XKR4: variants seen among roughly 807,000 people sequenced by gnomAD.
XKR4 encodes XK related 4.
A neutral mutation model predicts 53.9 loss-of-function variants in XKR4; 12 were observed. That is an observed-to-expected ratio of 0.22 (90% CI 0.14 to 0.36). XKR4 has a LOEUF of 0.36. XKR4 is among the 10% of genes least tolerant of loss of function. The probability of loss-of-function intolerance (pLI) is 1.00; values close to 1 mark genes in which losing one functional copy is unlikely to be tolerated. For synonymous variants in XKR4, 354 were observed against 362.4 expected (o/e 0.98, Z 0.26); for missense variants, 799 against 859.5 (o/e 0.93, Z 0.88).
chr8:55,465,388 G>C (rs1454297774), intron 2 of XKR4, among the ~76,000 whole-genome samples: 1 of 152,010 alleles, frequency 6.6e-6, no homozygotes, highest in Non-Finnish European at 1.5e-5. Context: ...AATGGGGAAA[G>C]GATTCCCTAT....
chr8:55,495,704 G>A (rs1806335622), intron 2 of XKR4, among the ~76,000 whole-genome samples: 1 of 152,244 alleles, frequency 6.6e-6, no homozygotes, highest in Non-Finnish European at 1.5e-5. Context: ...GGGCAAGGGA[G>A]TGGGTCCCAC....
At chr8:55,173,668 G>A (rs1404019082) in intron 1 of XKR4, among the ~76,000 whole-genome samples, 1 of 152,118 alleles carries the variant, frequency 6.6e-6, no homozygotes, top group African/African-American at 2.4e-5. Flanking sequence ...ACTCACATAG[G>A]TCAATTACAA....
chr8:55,287,125 A>G (rs113483045), intron 1 of XKR4, among the ~76,000 whole-genome samples: 12 of 56,670 alleles, frequency 2.1e-4, no homozygotes, highest in African/African-American at 7.6e-4. Flanking sequence ...TCAAATAATT[A>G]TTGGGTGGGG....
chr8:55,238,413 G>A (rs1287690544), intron 1 of XKR4, among the ~76,000 whole-genome samples: 2 of 152,154 alleles, frequency 1.3e-5, no homozygotes, highest in Non-Finnish European at 2.9e-5. Flanking sequence ...AGGAGGAAAA[G>A]GAAGGTTGGT....
chr8:55,215,458 T>C (rs910325500), intron 1 of XKR4, among the ~76,000 whole-genome samples: 17 of 152,190 alleles, frequency 1.1e-4, no homozygotes, highest in Non-Finnish European at 1.6e-4. Flanking sequence ...TTCAGACCAA[T>C]TGCACTCATG....
chr8:55,105,582 A>G (rs77327076), intron 1 of XKR4, among the ~76,000 whole-genome samples: 3,092 of 152,276 alleles, frequency 0.02, 90 homozygotes, highest in African/African-American at 0.069. Flanking sequence ...ATTATCAGAT[A>G]TAATATTCTG....
chr8:55,301,561 G>T (rs1284458727), intron 1 of XKR4, among the ~76,000 whole-genome samples: 1 of 152,134 alleles, frequency 6.6e-6, no homozygotes, highest in Non-Finnish European at 1.5e-5. Context: ...GATCCCTGAG[G>T]AATCGCCACA....
Position 55,527,697 on chromosome 8 carries a change from A to G in XKR4, c.*3470A>G, listed in dbSNP as rs1806897179. ...CTTTGCAGACACTTAGTTACTACTC[A>G]TTTGTGATAAACGCTGTTAACCCAA... On this transcript the variant is annotated 3_prime_UTR_variant, in exon 3 of 3. Coordinates refer to ENST00000327381, the MANE Select transcript of XKR4 (RefSeq NM_052898.2). 1 of 152,208 alleles carries G rather than the reference A, an allele frequency of 6.6e-6. No individual in the cohort carries two copies. The highest frequency in any genetic ancestry group is 1.5e-5 in the Non-Finnish European group (1 of 68,030). The allele number at this position is 152,208 out of a possible 1,614,324, so 9.4% of individuals were successfully genotyped here. A position where few individuals can be genotyped will look rare whatever the true frequency, so the allele number is the denominator to read the frequency against.
At chr8:55,392,940 G>A (rs927903607) in intron 2 of XKR4, among the ~76,000 whole-genome samples, 7 of 152,108 alleles carry the variant, frequency 4.6e-5, no homozygotes, top group African/African-American at 1.4e-4. Flanking sequence ...CATTTATCTT[G>A]CCTTTCCTGT....
chr8:55,319,910 G>A (rs183661482), intron 1 of XKR4, among the ~76,000 whole-genome samples: 2 of 152,282 alleles, frequency 1.3e-5, no homozygotes, highest in Non-Finnish European at 2.9e-5. Flanking sequence ...TTTTAGCAAA[G>A]AGTGTGGTCA....
intron 1 of XKR4, among the ~76,000 whole-genome samples, chr8:55,151,384 G>A (rs1816837747): frequency 1.3e-5 from 2 of 152,170 alleles, no homozygotes; most frequent in African/African-American, 4.8e-5. Context: ...TTCATCTGAA[G>A]CATAAGACAT....
At chr8:55,119,853 T>C (rs182502327) in intron 1 of XKR4, among the ~76,000 whole-genome samples, 169 of 152,298 alleles carry the variant, frequency 1.1e-3, no homozygotes, top group African/African-American at 3.7e-3. Context: ...ATTCTGGTAG[T>C]GCTGGTTAAG....
rs968398953 is a variant in XKR4 at position 55,452,089 on chromosome 8, T to A, written c.1007-71192T>A. 11 of 699,332 alleles carry A rather than the reference T, an allele frequency of 1.6e-5. No individual in the cohort carries two copies. In the African/African-American group the frequency reaches 1.6e-4, roughly 10 times the overall value. 43.3% of individuals were successfully genotyped at this position (699,332 alleles called of 1,614,324 possible). A position where few individuals can be genotyped will look rare whatever the true frequency, so the allele number is the denominator to read the frequency against. On this transcript the variant is annotated intron_variant, in intron 2 of 2. Coordinates refer to ENST00000327381, the MANE Select transcript of XKR4 (RefSeq NM_052898.2). ...GTGACTCGGGGTGGCTGGCCGGGTG[T>A]GTAGGTAGAGCCCAGGGTGAAGGAG...
intron 1 of XKR4, among the ~76,000 whole-genome samples, chr8:55,229,121 A>G (rs967077231): frequency 2.6e-5 from 4 of 152,194 alleles, no homozygotes; most frequent in African/African-American, 9.7e-5. Flanking sequence ...AACCCAGCCT[A>G]CCTGCTCTAG....
At chr8:55,418,180 G>T (rs1278788161) in intron 2 of XKR4, among the ~76,000 whole-genome samples, 1 of 152,130 alleles carries the variant, frequency 6.6e-6, no homozygotes, top group Non-Finnish European at 1.5e-5. Context: ...TCTACACCTC[G>T]AGTGGCCATT....
chr8:55,505,677 T>C (rs1563368777), intron 2 of XKR4, among the ~76,000 whole-genome samples: 1 of 152,274 alleles, frequency 6.6e-6, no homozygotes, highest in Non-Finnish European at 1.5e-5. Context: ...TCCGAAAAGA[T>C]ACTTTCTATA....
At chr8:55,172,169 G>A (rs1335275354) in intron 1 of XKR4, among the ~76,000 whole-genome samples, 1 of 150,280 alleles carries the variant, frequency 6.7e-6, no homozygotes, top group East Asian at 2.0e-4. Flanking sequence ...AGTGAGCCAA[G>A]ATCATGCCAC....
chr8:55,136,315 ACTTC>A (rs1040672351), intron 1 of XKR4, among the ~76,000 whole-genome samples: 1 of 79,616 alleles, frequency 1.3e-5, no homozygotes, highest in Non-Finnish European at 3.7e-5. Context: ...CAGCAGATGC[ACTTC>A]CTTCACAGAG....
At chr8:55,523,231 C>A in intron 2 of XKR4, 50 bp from the exon 3 acceptor site, 1 of 1,488,646 alleles carries the variant, frequency 6.7e-7, no homozygotes, top group Non-Finnish European at 9.0e-7. Context: ...TTCCAGGGGG[C>A]ATTGCTGCAA....
Sources: allele counts gnomAD v4.1 joint callset (sites outside exome capture counted in the v4.1 genomes callset), GRCh38; gene constraint gnomAD v4.1.1; transcripts MANE v1.5; gene names NCBI Gene and HGNC (gene_info 2026-07-23, HGNC 2026-07-21).